The following FAP variants were observed in gnomAD, a reference collection of about 807,000 sequenced individuals.
FAP encodes prolyl endopeptidase FAP.
Under a neutral mutation model 126.5 loss-of-function variants are expected in FAP, and 110 were observed. That is an observed-to-expected ratio of 0.87 (90% CI 0.74 to 1.02). FAP has a LOEUF of 1.02. Ranked by LOEUF, FAP falls within the 50% of genes least tolerant of loss-of-function variation. The pLI is 0.00. For synonymous variants in FAP, 334 were observed against 297.3 expected, an observed-to-expected ratio of 1.12 and a Z score of -1.27; for missense variants, 919 against 909.2, an observed-to-expected ratio of 1.01 and a Z score of -0.14.
chr2:162,218,171 A>T (rs761765163), intron 8 of FAP, 31 bp from the exon 9 acceptor site: 1 of 1,419,450 alleles, frequency 7.0e-7, no homozygotes, highest in Non-Finnish European at 9.6e-7. Context: ...TATTAACTAT[A>T]ATTACATCTT....
intron 3 of FAP, 72 bp downstream of exon 3, chr2:162,226,451 A>C (rs958330315): frequency 1.4e-6 from 1 of 690,418 alleles, no homozygotes; most frequent in Non-Finnish European, 2.5e-6. Context: ...TACTATAGAG[A>C]TGTATTGGCA....
At chr2:162,204,440 T>C (rs1319576974) in intron 12 of FAP, among the ~76,000 whole-genome samples, 1 of 152,048 alleles carries the variant, frequency 6.6e-6, no homozygotes, top group African/African-American at 2.4e-5. Context: ...AGGGAGAAAG[T>C]AAAGATGTGT....
At chr2:162,218,176 C>T in intron 8 of FAP, 36 bp from the exon 9 acceptor site, 2 of 1,364,752 alleles carry the variant, frequency 1.5e-6, no homozygotes, top group South Asian at 1.4e-5. Context: ...ACTATAATTA[C>T]ATCTTACTCT....
intron 12 of FAP, among the ~76,000 whole-genome samples, chr2:162,206,051 T>A (rs913445823): frequency 4.6e-5 from 7 of 152,214 alleles, no homozygotes; most frequent in African/African-American, 1.7e-4. Flanking sequence ...TTTTAAGATA[T>A]TAGAATCAGG....
At chr2:162,186,776 T>A (rs1357452982) in intron 20 of FAP, among the ~76,000 whole-genome samples, 2 of 152,010 alleles carry the variant, frequency 1.3e-5, no homozygotes, top group Non-Finnish European at 2.9e-5. Flanking sequence ...GCCATGGTGC[T>A]AAAAAAAGTC....
Position 162,189,052 on chromosome 2 carries a change from T to A in FAP, c.1619+51A>T, listed in dbSNP as rs369821767. On this transcript the variant is annotated intron_variant, in intron 19 of 25. Transcript: ENST00000188790. The stretch of plus-strand genomic sequence containing the variant: ...TTCTATTTCATAAATGTGTATTTCA[T>A]CTAACATATTTTCAGTAAATAGTTT... 5.0e-4 allele frequency: 571 copies of A among 1,151,478 alleles called. 1 individual carries two copies. The African/African-American group carries it at 7.8e-3, about 16-fold the overall frequency. The allele number at this position is 1,151,478 out of a possible 1,614,324, so 71.3% of individuals were successfully genotyped here.
rs767248831 is a variant in FAP, at chr2:162,225,565, A to C, written c.203T>G (p.Leu68Arg). The C allele has an allele frequency of 1.9e-6, 3 of 1,597,770 alleles. No individual in the cohort carries two copies. Among genetic ancestry groups the C allele is most frequent in the Non-Finnish European group, 2.6e-6 (3 of 1,171,654 alleles). ...FPNWISGQEYLHQSADNNIVL... is the reference protein window; with the variant it reads ...FPNWISGQEYRHQSADNNIVL... Reference sequence around the variant, plus strand: ...TATATTGTTATCTGCAGATTGATGAAGATATTCTTGTCCTTTAAACAAGAA... The same window carrying C: ...TATATTGTTATCTGCAGATTGATGACGATATTCTTGTCCTTTAAACAAGAA... Residue 68 changes from leucine (L) to arginine (R), a missense_variant, in exon 4 of 26, where the codon CTT becomes CGT. Transcript: ENST00000188790.
chr2:162,204,656 T>C (rs1397376291), intron 12 of FAP, among the ~76,000 whole-genome samples: 1 of 152,142 alleles, frequency 6.6e-6, no homozygotes, highest in Non-Finnish European at 1.5e-5. Flanking sequence ...TGAGTCTTCA[T>C]AGGGAGCACG....
At chr2:162,218,568 G>GATAGATAA (rs1362314303) in intron 8 of FAP, among the ~76,000 whole-genome samples, 3 of 148,124 alleles carry the variant, frequency 2.0e-5, no homozygotes, top group Admixed American at 6.7e-5. Context: ...AGTTTAGATA[G>GATAGATAA]ATAGATAGAT....
chr2:162,232,720 G>A (rs1689948439), intron 2 of FAP, among the ~76,000 whole-genome samples: 1 of 152,090 alleles, frequency 6.6e-6, no homozygotes, highest in Admixed American at 6.5e-5. Context: ...TTTAAAAATA[G>A]CCCATTTGTG....
chr2:162,189,099 A>G lies in FAP; in HGVS notation c.1619+4T>C, dbSNP rs571680433. On this transcript the variant is annotated splice_donor_region_variant and intron_variant, in intron 19 of 25. Transcript: ENST00000188790. Reference sequence around the variant, plus strand: ...GTTTTTACACCAAAGAAAATATTACATACACTTGAATTAGCAAGGGATACT... The same window carrying G: ...GTTTTTACACCAAAGAAAATATTACGTACACTTGAATTAGCAAGGGATACT... 6.4e-6 allele frequency: 10 copies of G among 1,560,536 alleles called. No individual in the cohort carries two copies. In the African/African-American group the frequency reaches 1.4e-4, roughly 21 times the overall value.
intron 16 of FAP, among the ~76,000 whole-genome samples, chr2:162,195,192 G>A (rs184916662): frequency 1.2e-3 from 182 of 152,104 alleles, no homozygotes; most frequent in African/African-American, 4.1e-3. Context: ...GGGTAAAATC[G>A]AGTATTTTTT....
chr2:162,214,594 A>G (rs916158928), intron 10 of FAP, among the ~76,000 whole-genome samples: 9 of 150,792 alleles, frequency 6.0e-5, no homozygotes, highest in African/African-American at 2.0e-4. Context: ...TAACTCAAAT[A>G]ATGTTTGGCA....
intron 6 of FAP, chr2:162,221,462 T>C: frequency 3.4e-6 from 1 of 291,614 alleles, no homozygotes; most frequent in East Asian, 9.1e-5. Context: ...GAGGAGGAGG[T>C]TGCAGTGAGC....
intron 20 of FAP, among the ~76,000 whole-genome samples, chr2:162,187,218 C>A (rs577939436): frequency 1.4e-4 from 21 of 152,098 alleles, no homozygotes; most frequent in African/African-American, 3.9e-4. Flanking sequence ...CTGTTAAATA[C>A]AATCTTTATT....
intron 20 of FAP, among the ~76,000 whole-genome samples, chr2:162,185,638 T>C (rs1037853754): frequency 4.6e-5 from 7 of 152,280 alleles, no homozygotes; most frequent in South Asian, 2.1e-4. Context: ...TTAAATCTAT[T>C]TGTTGGCCTT....
At chr2:162,187,144 T>C (rs1687888405) in intron 20 of FAP, among the ~76,000 whole-genome samples, 1 of 152,094 alleles carries the variant, frequency 6.6e-6, no homozygotes. Context: ...CTTGTGAGTC[T>C]AAACTCTTCT....
At chr2:162,176,945 T>A (rs1687507239) in intron 21 of FAP, among the ~76,000 whole-genome samples, 1 of 152,172 alleles carries the variant, frequency 6.6e-6, no homozygotes, top group African/African-American at 2.4e-5. Flanking sequence ...TCTGGGAATT[T>A]GTAAGAGCAA....
At chr2:162,242,758 A>AGCT in intron 2 of FAP, 150 bp downstream of exon 2, 1 of 625,746 alleles carries the variant, frequency 1.6e-6, no homozygotes, top group Admixed American at 3.0e-5. Flanking sequence ...TTGCACAACA[A>AGCT]CATATCTGTG....
Sources: gnomAD v4.1 joint callset for allele counts (sites outside exome capture counted in the v4.1 genomes callset) on GRCh38, gnomAD v4.1.1 for gene constraint, MANE v1.5 for transcripts, NCBI Gene and HGNC (gene_info 2026-07-23, HGNC 2026-07-21) for gene names.